Variants in DPP10 observed in about 807,000 individuals in gnomAD.
The protein encoded by DPP10 is inactive dipeptidyl peptidase 10.
A neutral mutation model predicts 120.9 loss-of-function variants in DPP10; 33 were observed. That is an observed-to-expected ratio of 0.27 (90% confidence interval 0.21 to 0.37). DPP10 has a LOEUF of 0.37. Ranked by LOEUF, DPP10 falls within the 10% of genes least tolerant of loss-of-function variation. DPP10 has a pLI of 1.00. For missense variants in DPP10, 816 were observed against 942.8 expected (o/e 0.87, Z 1.76); for synonymous variants, 337 against 326.1 (o/e 1.03, Z -0.36).
intron 1 of DPP10, among the ~76,000 whole-genome samples, chr2:114,998,463 T>A (rs1048244945): frequency 6.6e-6 from 1 of 152,176 alleles, no homozygotes; most frequent in African/African-American, 2.4e-5. Context: ...TAAAAGGAGC[T>A]GATCAAAAGG....
At chr2:114,983,730 T>C (rs1700229501) in intron 1 of DPP10, among the ~76,000 whole-genome samples, 1 of 152,132 alleles carries the variant, frequency 6.6e-6, no homozygotes, top group South Asian at 2.1e-4. Context: ...ATAACATTTA[T>C]ATAGAGCTCA....
At chr2:114,501,436 G>A (rs939844423) in intron 1 of DPP10, among the ~76,000 whole-genome samples, 3 of 152,030 alleles carry the variant, frequency 2.0e-5, no homozygotes, top group Admixed American at 6.6e-5. Context: ...AAAAAATTTT[G>A]TTGTCCTCAT....
At chr2:115,484,308 A>G (rs2075633982) in intron 3 of DPP10, among the ~76,000 whole-genome samples, 1 of 151,998 alleles carries the variant, frequency 6.6e-6, no homozygotes, top group African/African-American at 2.4e-5. Flanking sequence ...TTATGAATGC[A>G]CACTCATTGT....
At chr2:115,478,646 T>G (rs1023495216) in intron 3 of DPP10, among the ~76,000 whole-genome samples, 1 of 152,130 alleles carries the variant, frequency 6.6e-6, no homozygotes, top group African/African-American at 2.4e-5. Flanking sequence ...TATTTGCAAG[T>G]CATATCTATG....
chr2:115,596,452 A>G (rs1010385671), intron 5 of DPP10, among the ~76,000 whole-genome samples: 1 of 152,174 alleles, frequency 6.6e-6, no homozygotes, highest in African/African-American at 2.4e-5. Context: ...TAGTAATGAA[A>G]CATCATATGT....
intron 1 of DPP10, among the ~76,000 whole-genome samples, chr2:114,504,233 ACTT>A (rs1347830018): frequency 6.6e-6 from 1 of 152,170 alleles, no homozygotes; most frequent in Non-Finnish European, 1.5e-5. Flanking sequence ...TCTATTTGCC[ACTT>A]CTTATTTCCA....
At chr2:115,234,793 A>G (rs1355316531) in intron 1 of DPP10, among the ~76,000 whole-genome samples, 2 of 152,284 alleles carry the variant, frequency 1.3e-5, no homozygotes, top group Non-Finnish European at 2.9e-5. Flanking sequence ...TTTAAGTCCT[A>G]CTTAATACAT....
chr2:114,857,948 T>C (rs1689496893), intron 1 of DPP10, among the ~76,000 whole-genome samples: 1 of 152,192 alleles, frequency 6.6e-6, no homozygotes, highest in Non-Finnish European at 1.5e-5. Context: ...ATTGCCCATG[T>C]GACCTTGAGA....
intron 1 of DPP10, among the ~76,000 whole-genome samples, chr2:114,981,751 T>TTTTTG (rs1308418268): frequency 3.3e-5 from 5 of 151,564 alleles, no homozygotes; most frequent in Non-Finnish European, 7.4e-5. Context: ...CAGCTAGTTA[T>TTTTTG]TTTTGTTTTG....
intron 1 of DPP10, among the ~76,000 whole-genome samples, chr2:115,021,506 G>A (rs182681053): frequency 6.6e-6 from 1 of 152,010 alleles, no homozygotes; most frequent in Non-Finnish European, 1.5e-5. Context: ...AAAAAGCAGT[G>A]AGATTGAAAT....
At chr2:115,371,218 A>G (rs1280861651) in intron 3 of DPP10, among the ~76,000 whole-genome samples, 2 of 152,064 alleles carry the variant, frequency 1.3e-5, no homozygotes, top group African/African-American at 2.4e-5. Context: ...TGTGAATTTT[A>G]AATTTTACAT....
At chr2:114,760,702 T>G (rs1680206444) in intron 1 of DPP10, among the ~76,000 whole-genome samples, 1 of 152,024 alleles carries the variant, frequency 6.6e-6, no homozygotes, top group African/African-American at 2.4e-5. Context: ...GCCATATGAT[T>G]TGCCAAAATT....
At chr2:114,544,327 A>G (rs1687199360) in intron 1 of DPP10, among the ~76,000 whole-genome samples, 1 of 152,228 alleles carries the variant, frequency 6.6e-6, no homozygotes, top group Non-Finnish European at 1.5e-5. Flanking sequence ...GGAGGAAACC[A>G]AGACATAGAA....
intron 5 of DPP10, among the ~76,000 whole-genome samples, chr2:115,663,518 T>C (rs1437951597): frequency 1.3e-5 from 2 of 152,200 alleles, no homozygotes; most frequent in African/African-American, 4.8e-5. Flanking sequence ...TGGGCACTTA[T>C]GTCCATAGGC....
At chr2:114,483,562 A>G (rs1558800942) in intron 1 of DPP10, among the ~76,000 whole-genome samples, 1 of 152,126 alleles carries the variant, frequency 6.6e-6, no homozygotes, top group Non-Finnish European at 1.5e-5. Flanking sequence ...GAGCTTATAG[A>G]AAGCCAGAAC....
At chr2:115,340,552 T>C (rs891246518) in intron 2 of DPP10, among the ~76,000 whole-genome samples, 8 of 151,930 alleles carry the variant, frequency 5.3e-5, no homozygotes, top group Non-Finnish European at 8.8e-5. Flanking sequence ...ATTTTAAAGC[T>C]CACATGAAAG....
chr2:114,916,535 A>G (rs1028825056), intron 1 of DPP10, among the ~76,000 whole-genome samples: 1 of 152,206 alleles, frequency 6.6e-6, no homozygotes, highest in Non-Finnish European at 1.5e-5. Context: ...CAAAAGCTTC[A>G]GGCCAATATT....
At chr2:115,615,652 G>A (rs1575343060) in intron 5 of DPP10, among the ~76,000 whole-genome samples, 1 of 152,024 alleles carries the variant, frequency 6.6e-6, no homozygotes, top group East Asian at 1.9e-4. Context: ...AAACTAGAGA[G>A]CACTGTTTCA....
rs558551525 is a variant in DPP10, at chr2:115,844,033, G to T, written c.*1688G>T. ...TTCAACTTTTTCCCTGGATGCTTTG[G>T]AATCGTGTCTTCCATGCTCCACTGG... On this transcript the variant is annotated 3_prime_UTR_variant, in exon 26 of 26. Coordinates refer to ENST00000410059, the MANE Select transcript of DPP10 (RefSeq NM_020868.6). 1 of 152,674 alleles carries T rather than the reference G, an allele frequency of 6.5e-6. No individual in the cohort carries two copies. Among genetic ancestry groups the T allele is most frequent in the Admixed American group, 6.5e-5 (1 of 15,280 alleles). 9.5% of individuals were successfully genotyped at this position (152,674 alleles called of 1,614,324 possible).
Sources: allele counts gnomAD v4.1 joint callset (sites outside exome capture counted in the v4.1 genomes callset), GRCh38; gene constraint gnomAD v4.1.1; transcripts MANE v1.5; gene names NCBI Gene and HGNC (gene_info 2026-07-23, HGNC 2026-07-21).